The following PDE3B variants were observed in gnomAD, a reference collection of about 807,000 sequenced individuals.
PDE3B encodes the protein cGMP-inhibited 3',5'-cyclic phosphodiesterase 3B.
In PDE3B, 66 loss-of-function variants were observed where a neutral mutation model predicts 116.8. The ratio of observed to expected loss-of-function variants is 0.56; its 90% CI spans 0.46 to 0.69. The LOEUF (loss-of-function observed/expected upper bound fraction) is 0.69. Ranked by LOEUF, PDE3B falls within the 30% of genes least tolerant of loss-of-function variation. The pLI is 0.00. For synonymous variants in PDE3B, 595 were observed against 533.6 expected, an observed-to-expected ratio of 1.12 and a Z score of -1.59; for missense variants, 1,384 against 1,368.1, an observed-to-expected ratio of 1.01 and a Z score of -0.18.
intron 11 of PDE3B, among the ~76,000 whole-genome samples, chr11:14,836,851 C>G (rs1860071820): frequency 1.3e-5 from 2 of 152,206 alleles, no homozygotes; most frequent in Admixed American, 1.3e-4. Flanking sequence ...ACTCAGTCAC[C>G]CAGGCCAGAG....
chr11:14,714,943 C>G (rs1393641626), intron 1 of PDE3B, among the ~76,000 whole-genome samples: 2 of 148,348 alleles, frequency 1.3e-5, no homozygotes, highest in African/African-American at 4.9e-5. Flanking sequence ...AATATAATAT[C>G]TTAAATATTC....
intron 12 of PDE3B, among the ~76,000 whole-genome samples, chr11:14,846,947 C>T (rs991855220): frequency 1.3e-5 from 2 of 152,120 alleles, no homozygotes; most frequent in East Asian, 3.9e-4. Flanking sequence ...AGAAAGTTAA[C>T]AAGGATACCC....
intron 1 of PDE3B, among the ~76,000 whole-genome samples, chr11:14,757,862 ACATGAAGT>A (rs1354036699): frequency 2.7e-5 from 4 of 148,760 alleles, no homozygotes; most frequent in Admixed American, 6.7e-5. Context: ...GGTGTTTTGG[ACATGAAGT>A]CCTTGCCCAT....
At position 14,644,599 on chromosome 11, in the gene PDE3B, C is replaced by T. The variant is rs1027913979; in HGVS notation, c.524C>T (p.Pro175Leu). 2 of 1,559,108 alleles carry T rather than the reference C, an allele frequency of 1.3e-6. No individual in the cohort carries two copies. The highest frequency in any genetic ancestry group is 1.7e-6 in the Non-Finnish European group (2 of 1,154,642). ...DFLVWQWWSWPWGDGDAGSAA... is the reference protein window; with the variant it reads ...DFLVWQWWSWLWGDGDAGSAA... ...TTGGTGTGGCAGTGGTGGTCTTGGC[C>T]TTGGGGGGATGGCGACGCAGGGTCC... is the stretch of plus-strand genomic sequence containing the variant. Residue 175 changes from proline (P) to leucine (L), a missense_variant, in exon 1 of 16, where the codon CCT (proline) becomes CTT (leucine). Pro to Leu is a moderately conservative substitution (Grantham distance 98). Coordinates refer to ENST00000282096, the MANE Select transcript of PDE3B (RefSeq NM_000922.4).
chr11:14,811,409 C>T (rs2133942774), intron 5 of PDE3B, among the ~76,000 whole-genome samples: 1 of 152,258 alleles, frequency 6.6e-6, no homozygotes, highest in African/African-American at 2.4e-5. Context: ...TTCCCAGCAC[C>T]ATATTAAATA....
intron 1 of PDE3B, among the ~76,000 whole-genome samples, chr11:14,664,698 C>T (rs987738426): frequency 3.0e-4 from 45 of 152,140 alleles, no homozygotes; most frequent in African/African-American, 1.0e-3. Context: ...ACACATACAC[C>T]CTCCCAAGAC....
chr11:14,758,347 A>C (rs1343425127), intron 1 of PDE3B, among the ~76,000 whole-genome samples: 1 of 134,366 alleles, frequency 7.4e-6, no homozygotes, highest in African/African-American at 2.8e-5. Flanking sequence ...GAAGAAAGTC[A>C]TTGGTAGCTT....
At chr11:14,704,710 T>C (rs994297809) in intron 1 of PDE3B, among the ~76,000 whole-genome samples, 1 of 151,686 alleles carries the variant, frequency 6.6e-6, no homozygotes, top group Non-Finnish European at 1.5e-5. Context: ...TGTAATAAAA[T>C]GTATACTGAC....
At position 14,869,797 on chromosome 11, in the gene PDE3B, G is replaced by A. The variant is rs1848113686; in HGVS notation, c.*137G>A. On this transcript the variant is annotated 3_prime_UTR_variant, in exon 16 of 16. Transcript: ENST00000282096. ...GTGGACAGGCCTTAATACTGTGAGA[G>A]GATCCTTGCTCTGCTGGCAGTTTCC... is the stretch of plus-strand genomic sequence containing the variant. The A allele has an allele frequency of 3.1e-6, 2 of 652,442 alleles. No individual in the cohort carries two copies. Among genetic ancestry groups the A allele is most frequent in the South Asian group, 2.1e-5 (1 of 47,044 alleles). 40.4% of individuals were successfully genotyped at this position (652,442 alleles called of 1,614,324 possible).
chr11:14,749,899 C>CAT (rs66919202), intron 1 of PDE3B, among the ~76,000 whole-genome samples: 3,870 of 77,598 alleles, frequency 0.05, 609 homozygotes, highest in East Asian at 0.18. Context: ...AAATATATCC[C>CAT]ATATATATAT....
chr11:14,885,992 G>A, the PDE3B span: 11 of 1,421,188 alleles, frequency 7.7e-6, no homozygotes, highest in Admixed American at 6.8e-5. Context: ...ATCTACAAGT[G>A]GTAAGTGCGG....
intron 1 of PDE3B, chr11:14,674,635 C>A (rs1450852304): frequency 3.4e-6 from 1 of 296,484 alleles, no homozygotes; most frequent in African/African-American, 2.2e-5. Context: ...AGCTAACAAT[C>A]TTCTAAAGTT....
At chr11:14,710,795 A>G (rs1855678387) in intron 1 of PDE3B, among the ~76,000 whole-genome samples, 1 of 152,228 alleles carries the variant, frequency 6.6e-6, no homozygotes, top group Non-Finnish European at 1.5e-5. Flanking sequence ...TTTCAGAGAT[A>G]TGCCAGTCTC....
At chr11:14,781,285 AAG>A in intron 2 of PDE3B, among the ~76,000 whole-genome samples, 1 of 152,332 alleles carries the variant, frequency 6.6e-6, no homozygotes, top group East Asian at 1.9e-4. Flanking sequence ...TCAATAGAAA[AAG>A]AGGGAATCCT....
Position 14,757,456 on chromosome 11 carries a change from T to C in PDE3B, c.979-14481T>C, listed in dbSNP as rs374805208. The stretch of plus-strand genomic sequence containing the variant: ...TGTTCCTATTTCTCCACATCCTCTC[T>C]AGCACCTGCTGTTTCCTGACTTTTT... On this transcript the variant is annotated intron_variant, in intron 1 of 15. Transcript: ENST00000282096. 5.9e-5 allele frequency among the ~76,000 whole-genome samples: 9 copies of C among 151,692 alleles called. No homozygotes were observed. In the South Asian group the frequency reaches 6.3e-4, roughly 11 times the overall value.
intron 12 of PDE3B, among the ~76,000 whole-genome samples, chr11:14,846,656 A>C (rs1847609973): frequency 6.6e-6 from 1 of 152,316 alleles, no homozygotes; most frequent in African/African-American, 2.4e-5. Flanking sequence ...TCTACCAAGC[A>C]AATGAAAAAC....
intron 2 of PDE3B, among the ~76,000 whole-genome samples, chr11:14,777,892 T>C (rs939573619): frequency 2.6e-5 from 4 of 152,092 alleles, no homozygotes; most frequent in African/African-American, 9.7e-5. Context: ...GTCGGGGAAT[T>C]CTTTTTCCTA....
chr11:14,821,154 G>A (rs1471279079), intron 7 of PDE3B, among the ~76,000 whole-genome samples: 1 of 152,160 alleles, frequency 6.6e-6, no homozygotes, highest in East Asian at 1.9e-4. Context: ...TTACTCATGT[G>A]CCTTTTGGCT....
At chr11:14,735,125 G>A (rs192997281) in intron 1 of PDE3B, among the ~76,000 whole-genome samples, 15 of 152,096 alleles carry the variant, frequency 9.9e-5, no homozygotes, top group East Asian at 1.9e-4. Flanking sequence ...TCATAAATAT[G>A]TATAAATGTA....
Sources: gnomAD v4.1 joint callset for allele counts (sites outside exome capture counted in the v4.1 genomes callset) on GRCh38, gnomAD v4.1.1 for gene constraint, MANE v1.5 for transcripts, NCBI Gene and HGNC (gene_info 2026-07-23, HGNC 2026-07-21) for gene names.